CCSER1: variants seen among roughly 807,000 people sequenced by gnomAD.
CCSER1 encodes the protein serine-rich coiled-coil domain-containing protein 1.
Under a neutral mutation model 82.0 loss-of-function variants are expected in CCSER1, and 41 were observed. The observed-to-expected ratio is 0.50, with a 90% CI of 0.39 to 0.65. The LOEUF (loss-of-function observed/expected upper bound fraction) is 0.65. Ranked by LOEUF, CCSER1 falls within the 30% of genes least tolerant of loss-of-function variation. CCSER1 has a pLI of 0.00. For missense variants in CCSER1, 1,119 were observed against 1,064.2 expected, an observed-to-expected ratio of 1.05 and a Z score of -0.72; for synonymous variants, 414 against 383.9, an observed-to-expected ratio of 1.08 and a Z score of -0.92.
chr4:91,338,902 C>T (rs1440103180), intron 10 of CCSER1, among the ~76,000 whole-genome samples: 2 of 152,016 alleles, frequency 1.3e-5, no homozygotes, highest in Non-Finnish European at 2.9e-5. Flanking sequence ...GTTTTAACAC[C>T]ACGTAGCAGT....
chr4:91,301,062 C>G (rs1038043378), intron 10 of CCSER1, among the ~76,000 whole-genome samples: 1 of 151,806 alleles, frequency 6.6e-6, no homozygotes. Context: ...GGCAAGATGG[C>G]TTTGCGTGGC....
intron 10 of CCSER1, among the ~76,000 whole-genome samples, chr4:91,198,700 T>G (rs1160039782): frequency 6.6e-6 from 1 of 152,124 alleles, no homozygotes; most frequent in Middle Eastern, 3.2e-3. Flanking sequence ...ATCAATTTAT[T>G]TTTCAAAGTT....
intron 10 of CCSER1, among the ~76,000 whole-genome samples, chr4:91,434,624 A>G (rs1214780767): frequency 6.6e-6 from 1 of 152,208 alleles, no homozygotes; most frequent in East Asian, 1.9e-4. Flanking sequence ...AGCTTTCCAT[A>G]ACTGGTATGA....
intron 3 of CCSER1, among the ~76,000 whole-genome samples, chr4:90,325,429 A>C (rs989427425): frequency 1.8e-4 from 27 of 152,210 alleles, no homozygotes; most frequent in African/African-American, 6.0e-4. Context: ...AAGTTAGAAA[A>C]CTAAGATTGT....
intron 4 of CCSER1, among the ~76,000 whole-genome samples, chr4:90,409,224 C>G (rs183696214): frequency 0.01 from 1,543 of 152,198 alleles, 17 homozygotes; most frequent in South Asian, 0.03. Flanking sequence ...TTATCCAGGA[C>G]AACTTCCCCA....
intron 8 of CCSER1, among the ~76,000 whole-genome samples, chr4:90,915,191 A>G (rs938609798): frequency 3.3e-5 from 5 of 152,206 alleles, no homozygotes; most frequent in Admixed American, 2.0e-4. Context: ...CTGATACCAA[A>G]GCCTGGCAGA....
intron 10 of CCSER1, among the ~76,000 whole-genome samples, chr4:91,093,603 A>G (rs887247009): frequency 7.2e-5 from 11 of 152,206 alleles, no homozygotes; most frequent in African/African-American, 2.2e-4. Context: ...CGTGGAGGCC[A>G]GCCTTTTGAA....
chr4:91,448,025 T>C (rs759781317), intron 10 of CCSER1, among the ~76,000 whole-genome samples: 1 of 152,104 alleles, frequency 6.6e-6, no homozygotes, highest in Non-Finnish European at 1.5e-5. Context: ...GTAATGTAAT[T>C]TAGCAAAGTT....
At chr4:90,936,715 A>C (rs1377619454) in intron 9 of CCSER1, among the ~76,000 whole-genome samples, 2 of 152,166 alleles carry the variant, frequency 1.3e-5, no homozygotes, top group Non-Finnish European at 2.9e-5. Context: ...AGATTTCTAA[A>C]ATGTATAATA....
intron 8 of CCSER1, among the ~76,000 whole-genome samples, chr4:90,821,849 A>G (rs1376792659): frequency 6.6e-6 from 1 of 152,168 alleles, no homozygotes; most frequent in Non-Finnish European, 1.5e-5. Flanking sequence ...ACTGAAGGGC[A>G]CTGTAAATAT....
At chr4:90,910,230 C>T (rs148490899) in intron 8 of CCSER1, among the ~76,000 whole-genome samples, 1 of 152,318 alleles carries the variant, frequency 6.6e-6, no homozygotes, top group African/African-American at 2.4e-5. Flanking sequence ...CATCTCCCAC[C>T]AGGGCCCTCC....
intron 8 of CCSER1, among the ~76,000 whole-genome samples, chr4:90,904,136 T>G (rs1272246768): frequency 6.6e-6 from 1 of 152,102 alleles, no homozygotes; most frequent in East Asian, 1.9e-4. Flanking sequence ...CCTTGACTGG[T>G]TCTCTTTTGA....
intron 7 of CCSER1, among the ~76,000 whole-genome samples, chr4:90,742,868 G>T (rs1514732): frequency 1.8e-3 from 272 of 152,000 alleles, no homozygotes; most frequent in African/African-American, 6.4e-3. Flanking sequence ...TGTTTTTATT[G>T]TACCATGTGG....
chr4:91,178,559 G>A (rs1355979671), intron 10 of CCSER1, among the ~76,000 whole-genome samples: 1 of 152,142 alleles, frequency 6.6e-6, no homozygotes, highest in Non-Finnish European at 1.5e-5. Context: ...TTACCATTAT[G>A]TAATGGCCTT....
intron 9 of CCSER1, among the ~76,000 whole-genome samples, chr4:91,055,700 T>C (rs991802582): frequency 2.6e-5 from 4 of 152,084 alleles, no homozygotes; most frequent in Admixed American, 6.6e-5. Flanking sequence ...GGGAAATTTC[T>C]GGCCTTTATT....
chr4:91,306,628 G>T (rs1745089526), intron 10 of CCSER1, among the ~76,000 whole-genome samples: 1 of 151,804 alleles, frequency 6.6e-6, no homozygotes, highest in Non-Finnish European at 1.5e-5. Flanking sequence ...CTGAAACTTG[G>T]TTCATTCAAA....
intron 10 of CCSER1, chr4:91,108,106 A>G (rs1725801882): frequency 1.3e-5 from 2 of 152,228 alleles, no homozygotes; most frequent in South Asian, 4.1e-4. Context: ...TAACCCTATG[A>G]AGAGAGACAA....
intron 5 of CCSER1, among the ~76,000 whole-genome samples, chr4:90,527,891 G>T (rs980755844): frequency 6.6e-6 from 1 of 152,040 alleles, no homozygotes; most frequent in Non-Finnish European, 1.5e-5. Flanking sequence ...AAATATACAA[G>T]TCTTGGCAGG....
intron 6 of CCSER1, among the ~76,000 whole-genome samples, chr4:90,672,384 C>A (rs1303111717): frequency 6.6e-6 from 1 of 151,966 alleles, no homozygotes; most frequent in Non-Finnish European, 1.5e-5. Context: ...ATGAATCAAC[C>A]TTTGCTAGCT....
Sources: gnomAD v4.1 joint callset for allele counts (sites outside exome capture counted in the v4.1 genomes callset) on GRCh38, gnomAD v4.1.1 for gene constraint, MANE v1.5 for transcripts, NCBI Gene and HGNC (gene_info 2026-07-23, HGNC 2026-07-21) for gene names.